DIP2A: variants seen among roughly 807,000 people sequenced by gnomAD.
DIP2A encodes disco-interacting protein 2 homolog A.
Under a neutral mutation model 177.4 loss-of-function variants are expected in DIP2A, and 85 were observed. That is an observed-to-expected ratio of 0.48 (90% CI 0.40 to 0.57). The LOEUF is 0.57. Ranked by LOEUF, DIP2A falls within the 20% of genes least tolerant of loss-of-function variation. The pLI is 0.00. For synonymous variants in DIP2A, 886 were observed against 881.8 expected (o/e 1.00, Z -0.08); for missense variants, 1,791 against 2,100.2 (o/e 0.85, Z 2.88).
chr21:46,549,510 T>A (rs1236916993), intron 21 of DIP2A, among the ~76,000 whole-genome samples: 1 of 152,234 alleles, frequency 6.6e-6, no homozygotes. Flanking sequence ...TAAGGAATTT[T>A]TTCTTGTAAA....
intron 3 of DIP2A, among the ~76,000 whole-genome samples, chr21:46,495,218 TCTTCTCTTCTCTTCTCTTCTC>T (rs1303213790): frequency 2.6e-4 from 27 of 104,542 alleles, no homozygotes; most frequent in African/African-American, 1.0e-3. Context: ...TCTTCTCTTC[TCTTCTCTTCTCTTCTCTTCTC>T]TTCTTTCTCT....
At chr21:46,495,454 G>C (rs978756188) in intron 3 of DIP2A, among the ~76,000 whole-genome samples, 2 of 151,846 alleles carry the variant, frequency 1.3e-5, no homozygotes, top group African/African-American at 4.8e-5. Flanking sequence ...TTTTAGTAGA[G>C]ACAGGGTTTC....
intron 4 of DIP2A, among the ~76,000 whole-genome samples, chr21:46,497,901 G>A (rs1260449088): frequency 1.3e-5 from 2 of 152,150 alleles, no homozygotes; most frequent in Non-Finnish European, 2.9e-5. Flanking sequence ...TATAGCTATA[G>A]ACACTATCCA....
intron 10 of DIP2A, 102 bp downstream of exon 10, chr21:46,532,339 G>A (rs747780422): frequency 3.0e-5 from 28 of 943,312 alleles, no homozygotes; most frequent in Non-Finnish European, 4.3e-5. Flanking sequence ...GCAAGCAGCT[G>A]TTTTGACAGA....
At chr21:46,561,370 G>C (rs974714911) in intron 33 of DIP2A, 18 of 354,696 alleles carry the variant, frequency 5.1e-5, no homozygotes, top group African/African-American at 3.6e-4. Flanking sequence ...TGTGTATCAG[G>C]GCCCCTCCCA....
At chr21:46,577,206 G>A in the DIP2A span, among the ~76,000 whole-genome samples, 15 of 152,176 alleles carry the variant, frequency 9.9e-5, no homozygotes, top group East Asian at 1.7e-3. Flanking sequence ...ATCTCTGTCC[G>A]TGCCTATGTC....
intron 1 of DIP2A, among the ~76,000 whole-genome samples, chr21:46,461,949 C>A (rs539519112): frequency 1.5e-3 from 224 of 151,676 alleles, no homozygotes; most frequent in Non-Finnish European, 2.8e-3. Flanking sequence ...GTAGTCCCAG[C>A]TACTTGAGGG....
chr21:46,525,549 T>A (rs2059038650), intron 8 of DIP2A: 1 of 152,198 alleles, frequency 6.6e-6, no homozygotes, highest in Non-Finnish European at 1.5e-5. Context: ...ATTGCCATAG[T>A]TTTATAATAA....
intron 20 of DIP2A, 109 bp from the exon 21 acceptor site, chr21:46,546,806 C>T: frequency 2.3e-6 from 3 of 1,319,260 alleles, no homozygotes; most frequent in East Asian, 2.5e-5. Context: ...TTGCAAGGCG[C>T]TAGAGGCTCC....
At chr21:46,559,603 G>A (rs908986674) in intron 32 of DIP2A, among the ~76,000 whole-genome samples, 3 of 152,222 alleles carry the variant, frequency 2.0e-5, no homozygotes, top group Non-Finnish European at 2.9e-5. Context: ...TTGTGTTAGC[G>A]GCTCTGCGTC....
chr21:46,575,009 A>C (rs1234850079), downstream of DIP2A, among the ~76,000 whole-genome samples: 1 of 152,214 alleles, frequency 6.6e-6, no homozygotes, highest in Non-Finnish European at 1.5e-5. Flanking sequence ...CCTTCTGAAC[A>C]TTGATGTAAA....
intron 23 of DIP2A, 33 bp from the exon 24 acceptor site, chr21:46,551,601 C>T: frequency 5.1e-6 from 8 of 1,577,986 alleles, no homozygotes; most frequent in Non-Finnish European, 7.0e-6. Flanking sequence ...TGAGAAGTCA[C>T]CAGCTTTTCA....
chr21:46,541,061 T>TA (rs1314428214), intron 17 of DIP2A, among the ~76,000 whole-genome samples: 2 of 151,918 alleles, frequency 1.3e-5, no homozygotes, highest in South Asian at 2.1e-4. Context: ...CACTTAACAT[T>TA]AAAAAAACGC....
Position 46,563,972 on chromosome 21 carries a change from C to T in DIP2A, c.4164+40C>T. 1.3e-6 allele frequency: 2 copies of T among 1,582,662 alleles called. No individual in the cohort carries two copies. Among genetic ancestry groups the T allele is most frequent in the Non-Finnish European group, 1.7e-6 (2 of 1,165,282 alleles). On this transcript the variant is annotated intron_variant, in intron 35 of 37. Coordinates refer to ENST00000417564, the MANE Select transcript of DIP2A (RefSeq NM_015151.4). This position sits in a 1 kb window ranked among gnomAD's most constrained non-coding sequence, Gnocchi z 4.3. ...ATGGGAGGGGCTTGAGCTCTCCAGC[C>T]TCACCAGCTTCACCTTCCTTCCCTT...
At chr21:46,483,262 A>G (rs1314718057) in intron 1 of DIP2A, among the ~76,000 whole-genome samples, 1 of 152,226 alleles carries the variant, frequency 6.6e-6, no homozygotes, top group Non-Finnish European at 1.5e-5. Context: ...ATATATTCTA[A>G]AAGACACTAT....
In DIP2A at chr21:46,459,061, C is replaced by G; in HGVS notation, c.-71C>G. On this transcript the variant is annotated 5_prime_UTR_variant, in exon 1 of 38. Coordinates refer to ENST00000417564, the MANE Select transcript of DIP2A (RefSeq NM_015151.4). Reference sequence around the variant, plus strand: ...TGTTGGCCTGAGGGGAGCTACGTAGCCGAGGTTTGCGCTGCCGCCGCCAGG... The same window carrying G: ...TGTTGGCCTGAGGGGAGCTACGTAGGCGAGGTTTGCGCTGCCGCCGCCAGG... 6.2e-6 allele frequency: 8 copies of G among 1,289,748 alleles called. No homozygotes were observed. In the South Asian group the frequency reaches 1.2e-4, roughly 19 times the overall value. The allele number at this position is 1,289,748 out of a possible 1,614,324, so 79.9% of individuals were successfully genotyped here. A position where few individuals can be genotyped will look rare whatever the true frequency, so the allele number is the denominator to read the frequency against.
At chr21:46,504,249 C>T in intron 5 of DIP2A, 112 bp from the exon 6 acceptor site, 2 of 1,409,492 alleles carry the variant, frequency 1.4e-6, no homozygotes, top group South Asian at 1.2e-5. Flanking sequence ...ACCACACTCT[C>T]CCCACTTAGA....
At position 46,537,137 on chromosome 21, in the gene DIP2A, C is replaced by T. The variant is rs779171516; in HGVS notation, c.1643-87C>T. ...GTTCCTGAAACTTACATGTTGATGACGTACTCACCTCAGAATTTCTCTAGA... is the reference window on the plus strand; with the variant it reads ...GTTCCTGAAACTTACATGTTGATGATGTACTCACCTCAGAATTTCTCTAGA... On this transcript the variant is annotated intron_variant, in intron 13 of 37. Coordinates refer to ENST00000417564, the MANE Select transcript of DIP2A (RefSeq NM_015151.4). The surrounding 1 kb of genome is among the most constrained non-coding windows in gnomAD (Gnocchi z 4.1). 83 of 1,282,686 alleles carry T rather than the reference C, an allele frequency of 6.5e-5. 1 individual carries two copies. The highest frequency in any genetic ancestry group is 1.8e-4 in the Middle Eastern group (1 of 5,426). 79.5% of individuals were successfully genotyped at this position (1,282,686 alleles called of 1,614,324 possible).
intron 21 of DIP2A, 135 bp from the exon 22 acceptor site, chr21:46,549,636 G>T (rs1194347679): frequency 1.2e-5 from 17 of 1,457,870 alleles, no homozygotes; most frequent in Non-Finnish European, 1.6e-5. Flanking sequence ...TTTTGAATGT[G>T]CAGCAGGTAG....
Sources: gnomAD v4.1 joint callset for allele counts (sites outside exome capture counted in the v4.1 genomes callset) on GRCh38, gnomAD v4.1.1 for gene constraint, Gnocchi (gnomAD v3.1) non-coding constraint, MANE v1.5 for transcripts, NCBI Gene and HGNC (gene_info 2026-07-23, HGNC 2026-07-21) for gene names.